The following LRRC4C variants were observed in gnomAD, a reference collection of about 807,000 sequenced individuals.
The protein encoded by LRRC4C is leucine rich repeat containing 4C.
In LRRC4C, 5 loss-of-function variants were observed where a neutral mutation model predicts 33.6. That is an observed-to-expected ratio of 0.15 (90% CI 0.08 to 0.31). The LOEUF (loss-of-function observed/expected upper bound fraction) is 0.31, where lower values mean the gene tolerates loss of function less well. LRRC4C is among the 10% of genes least tolerant of loss of function. LRRC4C has a pLI of 1.00. For missense variants in LRRC4C, 560 were observed against 796.7 expected, an observed-to-expected ratio of 0.70 and a Z score of 3.58; for synonymous variants, 329 against 302.0, an observed-to-expected ratio of 1.09 and a Z score of -0.93.
chr11:40,585,505 G>A (rs1958684984), intron 3 of LRRC4C, among the ~76,000 whole-genome samples: 1 of 150,870 alleles, frequency 6.6e-6, no homozygotes. Context: ...AAGTTTTAGG[G>A]TACATGTGCA....
At chr11:40,770,286 G>T (rs71484121) in intron 2 of LRRC4C, among the ~76,000 whole-genome samples, 1 of 152,136 alleles carries the variant, frequency 6.6e-6, no homozygotes, top group African/African-American at 2.4e-5. Context: ...TAGGAGTGCA[G>T]AGTGAAGGCA....
chr11:40,426,853 C>G (rs1287774239), intron 3 of LRRC4C, among the ~76,000 whole-genome samples: 1 of 152,186 alleles, frequency 6.6e-6, no homozygotes, highest in Non-Finnish European at 1.5e-5. Context: ...GACCTTCTTT[C>G]CGTTTCCGAC....
chr11:40,959,791 G>A (rs1181424891), intron 1 of LRRC4C, among the ~76,000 whole-genome samples: 1 of 151,630 alleles, frequency 6.6e-6, no homozygotes, highest in African/African-American at 2.4e-5. Context: ...CATTTGCTCA[G>A]TGATTGCTCT....
chr11:40,844,275 T>C (rs1216046900), intron 2 of LRRC4C, among the ~76,000 whole-genome samples: 1 of 151,828 alleles, frequency 6.6e-6, no homozygotes, highest in Non-Finnish European at 1.5e-5. Context: ...AATACAGCGG[T>C]TGAATCAGTG....
At chr11:41,294,565 G>A (rs1950084377) in intron 1 of LRRC4C, among the ~76,000 whole-genome samples, 1 of 152,114 alleles carries the variant, frequency 6.6e-6, no homozygotes, top group African/African-American at 2.4e-5. Context: ...TTATTTATGA[G>A]AATGTATAAT....
chr11:40,126,959 CA>C (rs111797947), intron 6 of LRRC4C, among the ~76,000 whole-genome samples: 2,445 of 137,712 alleles, frequency 0.018, 57 homozygotes, highest in African/African-American at 0.057. Context: ...AACTTTGTCT[CA>C]AAAAAAAAAA....
intron 1 of LRRC4C, among the ~76,000 whole-genome samples, chr11:41,232,763 C>G (rs1947857096): frequency 6.6e-6 from 1 of 151,508 alleles, no homozygotes; most frequent in African/African-American, 2.4e-5. Flanking sequence ...CACACACACA[C>G]ACACACACAC....
At chr11:40,788,612 C>T (rs1950505940) in intron 2 of LRRC4C, among the ~76,000 whole-genome samples, 1 of 152,120 alleles carries the variant, frequency 6.6e-6, no homozygotes, top group Admixed American at 6.5e-5. Context: ...TGTTGTCCCT[C>T]ATTTTTGTTT....
intron 2 of LRRC4C, among the ~76,000 whole-genome samples, chr11:40,811,398 G>C (rs1951482077): frequency 6.6e-6 from 1 of 152,126 alleles, no homozygotes; most frequent in African/African-American, 2.4e-5. Context: ...TTGAGGACAG[G>C]AACATTATGT....
chr11:40,532,375 T>C (rs1250463062), intron 3 of LRRC4C, among the ~76,000 whole-genome samples: 1 of 151,930 alleles, frequency 6.6e-6, no homozygotes, highest in Non-Finnish European at 1.5e-5. Context: ...TCTAAGGGCA[T>C]TCAAATAATA....
intron 2 of LRRC4C, among the ~76,000 whole-genome samples, chr11:40,781,738 A>G (rs1185339280): frequency 6.6e-6 from 1 of 152,164 alleles, no homozygotes; most frequent in Non-Finnish European, 1.5e-5. Flanking sequence ...ACTGGACTCT[A>G]ATCATCTATG....
chr11:41,048,412 G>C (rs1291636335), intron 1 of LRRC4C, among the ~76,000 whole-genome samples: 1 of 151,706 alleles, frequency 6.6e-6, no homozygotes, highest in African/African-American at 2.4e-5. Context: ...TTGCAGGCAC[G>C]CACTACCATG....
intron 3 of LRRC4C, among the ~76,000 whole-genome samples, chr11:40,584,864 G>A (rs868593410): frequency 2.0e-5 from 3 of 151,364 alleles, no homozygotes; most frequent in South Asian, 2.1e-4. Context: ...CCTGGGAGGC[G>A]GAGGTTGCAG....
At chr11:40,463,542 T>G (rs1952510439) in intron 3 of LRRC4C, among the ~76,000 whole-genome samples, 1 of 152,066 alleles carries the variant, frequency 6.6e-6, no homozygotes, top group African/African-American at 2.4e-5. Flanking sequence ...ATGAATAGGA[T>G]CTCACACTAT....
At chr11:40,513,970 G>C (rs1470522787) in intron 3 of LRRC4C, among the ~76,000 whole-genome samples, 1 of 152,166 alleles carries the variant, frequency 6.6e-6, no homozygotes, top group East Asian at 1.9e-4. Flanking sequence ...TAAACTCTCA[G>C]TTCTCTCAGA....
chr11:40,656,148 T>C (rs1943098721), intron 2 of LRRC4C, among the ~76,000 whole-genome samples: 1 of 151,958 alleles, frequency 6.6e-6, no homozygotes, highest in South Asian at 2.1e-4. Context: ...CAGTTTATAG[T>C]CCAGAATCTT....
At chr11:40,645,141 T>A (rs139004616) in intron 3 of LRRC4C, among the ~76,000 whole-genome samples, 1 of 152,190 alleles carries the variant, frequency 6.6e-6, no homozygotes. Context: ...CCATGTTTTC[T>A]ATAGAATTCT....
At position 40,115,644 on chromosome 11, in the gene LRRC4C, G is replaced by A. The variant is rs1379209428; in HGVS notation, c.649C>T (p.Pro217Ser). ...CNLREIPNLT[P>S]LIKLDELDLS... ...TCCAGCTCATCTAGTTTTATGAGCG[G>A]TGTGAGGTTAGGGATTTCCCGAAGG... Residue 217 changes from proline (P) to serine (S), a missense_variant, in exon 7 of 7, where the codon CCG becomes TCG. By Grantham distance (74) the Pro-to-Ser change is moderately conservative. This residue lies in a region of LRRC4C where 455 missense variants were observed against 643.8 expected (regional missense o/e 0.71). Transcript: ENST00000528697. This position sits in a 1 kb window ranked among gnomAD's most constrained non-coding sequence, Gnocchi z 6.7. 4 of 1,614,210 alleles carry A rather than the reference G, an allele frequency of 2.5e-6. No individual in the cohort carries two copies. Among genetic ancestry groups the A allele is most frequent in the Middle Eastern group, 3.3e-4 (2 of 6,062 alleles).
At chr11:40,327,138 T>C (rs1946139886) in intron 3 of LRRC4C, among the ~76,000 whole-genome samples, 1 of 152,132 alleles carries the variant, frequency 6.6e-6, no homozygotes, top group South Asian at 2.1e-4. Context: ...TGAGGTGCAT[T>C]CTTATCGCTA....
Sources: allele counts gnomAD v4.1 joint callset (sites outside exome capture counted in the v4.1 genomes callset), GRCh38; gene constraint gnomAD v4.1.1; regional missense constraint gnomAD v4.1.1; non-coding constraint Gnocchi (gnomAD v3.1); transcripts MANE v1.5; gene names NCBI Gene and HGNC (gene_info 2026-07-23, HGNC 2026-07-21).